Variants in NSMAF observed in about 807,000 individuals in gnomAD.
The protein encoded by NSMAF is neutral sphingomyelinase activation associated factor.
In NSMAF, 90 loss-of-function variants were observed where a neutral mutation model predicts 134.9. The observed-to-expected ratio is 0.67, with a 90% CI of 0.56 to 0.79. NSMAF has a LOEUF of 0.79. Among genes scored for constraint, NSMAF ranks in the 30% least tolerant of loss-of-function variants. The pLI is 0.00. For synonymous variants in NSMAF, 358 were observed against 389.6 expected (o/e 0.92, Z 0.96); for missense variants, 1,010 against 1,119.0 (o/e 0.90, Z 1.39).
chr8:58,625,111 C>T (rs1483607128), intron 6 of NSMAF, among the ~76,000 whole-genome samples: 4 of 152,146 alleles, frequency 2.6e-5, no homozygotes, highest in African/African-American at 9.7e-5. Context: ...GGGTGGGCCT[C>T]ATCGGATCCA....
chr8:58,641,490 C>T (rs928574279), intron 2 of NSMAF, among the ~76,000 whole-genome samples: 1 of 152,176 alleles, frequency 6.6e-6, no homozygotes, highest in Non-Finnish European at 1.5e-5. Context: ...AATCTGCCCC[C>T]TTCTGACAAA....
chr8:58,640,929 G>T (rs1253967342), intron 2 of NSMAF, among the ~76,000 whole-genome samples: 1 of 151,802 alleles, frequency 6.6e-6, no homozygotes, highest in East Asian at 1.9e-4. Context: ...TTTATTGATT[G>T]ATTTATTTTT....
intron 22 of NSMAF, among the ~76,000 whole-genome samples, chr8:58,595,212 T>C (rs778031201): frequency 6.9e-4 from 105 of 152,308 alleles, no homozygotes; most frequent in Admixed American, 7.2e-4. Context: ...CCAACACTCG[T>C]GGGGTATACA....
Position 58,588,673 on chromosome 8 carries a change from G to T in NSMAF, c.2211+779C>A, listed in dbSNP as rs915567338. The T allele has an allele frequency of 3.7e-4, 578 of 1,544,322 alleles. 1 individual carries two copies. Among genetic ancestry groups the T allele is most frequent in the Middle Eastern group, 1.7e-4 (1 of 5,946 alleles). ...GAATTTCTTAATGGCCTTGTCCTTG[G>T]GCATGCATCGGGCACAGTTAGTGCA... On this transcript the variant is annotated intron_variant, in intron 26 of 30. Coordinates refer to ENST00000038176, the MANE Select transcript of NSMAF (RefSeq NM_003580.4).
rs1211345827 is a variant in NSMAF at position 58,602,066 on chromosome 8, T to C, written c.1117A>G (p.Arg373Gly). 6.2e-7 allele frequency: 1 copy of C among 1,612,710 alleles called. No individual in the cohort carries two copies. The highest frequency in any genetic ancestry group is 8.5e-7 in the Non-Finnish European group (1 of 1,179,012). ...VGALNKERLE[R>G]LLTRYQEMPE... ...TCTCTAAGTCCACATACCAGTAGTC[T>C]CTCCAGCCGTTCCTTATTTAGGGCC... Residue 373 changes from arginine to glycine, a missense_variant, in exon 14 of 31, where the codon AGA becomes GGA. Transcript: ENST00000038176.
chr8:58,659,268 C>A, intron 1 of NSMAF: 2 of 1,511,512 alleles, frequency 1.3e-6, no homozygotes, highest in Non-Finnish European at 8.8e-7. Context: ...GGGTGAGCTG[C>A]CCGCGGCCGC....
chr8:58,594,388 T>C (rs1398217604), intron 22 of NSMAF, 98 bp from the exon 23 acceptor site: 3 of 1,150,536 alleles, frequency 2.6e-6, no homozygotes, highest in Admixed American at 3.9e-5. Context: ...GTTTCCTTAA[T>C]TTTTTTCTTC....
chr8:58,659,424 C>G (rs1221970126), intron 1 of NSMAF, 149 bp downstream of exon 1: 1 of 1,505,962 alleles, frequency 6.6e-7, no homozygotes, highest in Admixed American at 2.1e-5. Context: ...TCCGCCACAG[C>G]CCCCAGCCCA....
intron 6 of NSMAF, among the ~76,000 whole-genome samples, chr8:58,624,811 T>A (rs1309752354): frequency 2.0e-5 from 3 of 152,226 alleles, no homozygotes; most frequent in Non-Finnish European, 2.9e-5. Context: ...ATGTCCTATC[T>A]GAACGTTCTA....
intron 6 of NSMAF, among the ~76,000 whole-genome samples, chr8:58,630,416 AC>A (rs1382297797): frequency 6.6e-6 from 1 of 151,526 alleles, no homozygotes; most frequent in Non-Finnish European, 1.5e-5. Context: ...ATTTCCTTTC[AC>A]ATAATCTTTC....
chr8:58,589,208 T>A (rs10107530), intron 26 of NSMAF, among the ~76,000 whole-genome samples: 37,642 of 147,232 alleles, frequency 0.26, 5,481 homozygotes, highest in South Asian at 0.36. Flanking sequence ...GATATTATAT[T>A]TTAAATATAA....
intron 1 of NSMAF, among the ~76,000 whole-genome samples, chr8:58,653,051 A>G (rs1488306404): frequency 6.6e-6 from 1 of 152,244 alleles, no homozygotes; most frequent in African/African-American, 2.4e-5. Flanking sequence ...GAGATAAAAA[A>G]TACCGGACAA....
chr8:58,627,302 A>T (rs1190469394), intron 6 of NSMAF, among the ~76,000 whole-genome samples: 1 of 152,118 alleles, frequency 6.6e-6, no homozygotes, highest in Non-Finnish European at 1.5e-5. Flanking sequence ...TGAAAACTGG[A>T]ACAAGACAAG....
chr8:58,628,654 T>C (rs1429033599), intron 6 of NSMAF, among the ~76,000 whole-genome samples: 2 of 152,192 alleles, frequency 1.3e-5, no homozygotes, highest in Admixed American at 6.5e-5. Context: ...ACTTTCATGT[T>C]GGTGTTTAGT....
intron 14 of NSMAF, 126 bp from the exon 15 acceptor site, chr8:58,601,661 T>C: frequency 1.5e-6 from 2 of 1,310,126 alleles, no homozygotes; most frequent in Non-Finnish European, 2.0e-6. Context: ...CTCTGTTAGA[T>C]AAGAAAAGGA....
At chr8:58,627,110 T>C (rs569118040) in intron 6 of NSMAF, among the ~76,000 whole-genome samples, 1 of 152,352 alleles carries the variant, frequency 6.6e-6, no homozygotes, top group Non-Finnish European at 1.5e-5. Flanking sequence ...TGGATGTTAG[T>C]CCTTTGCCGG....
intron 6 of NSMAF, among the ~76,000 whole-genome samples, chr8:58,626,140 G>T (rs949721237): frequency 7.3e-6 from 1 of 136,538 alleles, no homozygotes; most frequent in Admixed American, 8.0e-5. Context: ...TGTCACCCAG[G>T]CTGGATGGAG....
chr8:58,656,054 T>C (rs1336559332), intron 1 of NSMAF, among the ~76,000 whole-genome samples: 2 of 152,124 alleles, frequency 1.3e-5, no homozygotes, highest in African/African-American at 4.8e-5. Flanking sequence ...AGTCTCGCTC[T>C]GTCGCCCAGG....
At chr8:58,637,042 C>CACACACACACACA (rs1563541180) in intron 2 of NSMAF, among the ~76,000 whole-genome samples, 4 of 142,480 alleles carry the variant, frequency 2.8e-5, no homozygotes, top group African/African-American at 1.1e-4. Context: ...ACACACACAC[C>CACACACACACACA]CACACACAAA....
Sources: gnomAD v4.1 joint callset for allele counts (sites outside exome capture counted in the v4.1 genomes callset) on GRCh38, gnomAD v4.1.1 for gene constraint, MANE v1.5 for transcripts, NCBI Gene and HGNC (gene_info 2026-07-23, HGNC 2026-07-21) for gene names.